AFG2B: variants seen among roughly 807,000 people sequenced by gnomAD.
The protein encoded by AFG2B is AAA ATPase AFG2B, also known as ATPase family gene 2 protein homolog B.
the AFG2B span, chr15:45,421,259 T>G: frequency 6.1e-6 from 8 of 1,315,848 alleles, no homozygotes; most frequent in Admixed American, 2.8e-5. Context: ...AATGTGAACT[T>G]GCCTGTCGTT....
the AFG2B span, among the ~76,000 whole-genome samples, chr15:45,419,986 T>TA: frequency 2.0e-5 from 1 of 49,246 alleles, no homozygotes; most frequent in Non-Finnish European, 3.6e-5. Flanking sequence ...CAAGACTCTG[T>TA]CCCCCCCCCC....
At chr15:45,414,114 A>C in the AFG2B span, among the ~76,000 whole-genome samples, 1 of 152,158 alleles carries the variant, frequency 6.6e-6, no homozygotes, top group Non-Finnish European at 1.5e-5. Flanking sequence ...AGTAGCATAG[A>C]GAGTGAGTAG....
At chr15:45,417,230 A>G in the AFG2B span, 1 of 1,594,316 alleles carries the variant, frequency 6.3e-7, no homozygotes, top group Non-Finnish European at 8.6e-7. Flanking sequence ...CTTATTAACA[A>G]CTGATTGACA....
the AFG2B span, chr15:45,410,646 A>T: frequency 1.1e-6 from 1 of 941,816 alleles, no homozygotes; most frequent in East Asian, 2.8e-5. Flanking sequence ...ATGTGATCCT[A>T]ACATCTAAAT....
chr15:45,405,414 T>A, the AFG2B span: 1 of 1,614,224 alleles, frequency 6.2e-7, no homozygotes, highest in Non-Finnish European at 8.5e-7. Flanking sequence ...GATTTGGGCC[T>A]TCTTGCAGAA....
At chr15:45,410,375 C>T in the AFG2B span, 2 of 1,612,228 alleles carry the variant, frequency 1.2e-6, no homozygotes, top group Non-Finnish European at 1.7e-6. Flanking sequence ...TCTTCAGAAC[C>T]AGGACAATCC....
chr15:45,411,017 C>G, the AFG2B span, among the ~76,000 whole-genome samples: 1 of 152,184 alleles, frequency 6.6e-6, no homozygotes, highest in South Asian at 2.1e-4. Context: ...GCCTGGCCAA[C>G]ATGGTGAAAC....
At chr15:45,410,561 G>A in the AFG2B span, 2 of 1,560,658 alleles carry the variant, frequency 1.3e-6, no homozygotes, top group South Asian at 1.2e-5. Context: ...AATCCAGTAG[G>A]ATATTACAGA....
the AFG2B span, chr15:45,405,183 C>T: frequency 2.6e-6 from 2 of 759,726 alleles, no homozygotes; most frequent in Non-Finnish European, 4.1e-6. Flanking sequence ...CTGTCTTCAT[C>T]CCCTCACCCC....
chr15:45,409,766 C>T, the AFG2B span, among the ~76,000 whole-genome samples: 7 of 151,872 alleles, frequency 4.6e-5, no homozygotes, highest in African/African-American at 9.7e-5. Context: ...CTAGCTACTC[C>T]GGAGGGTGAG....
the AFG2B span, among the ~76,000 whole-genome samples, chr15:45,406,263 G>A: frequency 3.9e-5 from 6 of 152,170 alleles, no homozygotes; most frequent in Non-Finnish European, 8.8e-5. Flanking sequence ...TGCATTTTGG[G>A]CAGGAATATA....
the AFG2B span, chr15:45,403,378 C>T: frequency 4.3e-6 from 7 of 1,611,250 alleles, no homozygotes; most frequent in South Asian, 5.5e-5. Context: ...CAGTCGAGCA[C>T]CCGAGAGCCG....
At chr15:45,407,678 G>T in the AFG2B span, among the ~76,000 whole-genome samples, 1 of 152,112 alleles carries the variant, frequency 6.6e-6, no homozygotes, top group African/African-American at 2.4e-5. Context: ...TTACAGAATA[G>T]CTCTATACAT....
the AFG2B span, among the ~76,000 whole-genome samples, chr15:45,410,904 T>G: frequency 1.3e-5 from 2 of 151,644 alleles, no homozygotes; most frequent in African/African-American, 4.9e-5. Context: ...TAAAAAAAAA[T>G]AAGTTTATAA....
At chr15:45,403,367 G>T in the AFG2B span, 1 of 1,610,386 alleles carries the variant, frequency 6.2e-7, no homozygotes, top group South Asian at 1.1e-5. Context: ...CCCCAGCGGG[G>T]CAGTCGAGCA....
At chr15:45,410,100 A>G in the AFG2B span, among the ~76,000 whole-genome samples, 2 of 152,332 alleles carry the variant, frequency 1.3e-5, no homozygotes, top group South Asian at 4.1e-4. Context: ...GTATGGTTCC[A>G]TTTGTGTATC....
At chr15:45,410,666 G>C in the AFG2B span, 2 of 828,330 alleles carry the variant, frequency 2.4e-6, no homozygotes, top group Non-Finnish European at 3.5e-6. Context: ...TCCAATGATT[G>C]CTTTTCAGTC....
At chr15:45,414,692 C>G in the AFG2B span, 1 of 1,614,156 alleles carries the variant, frequency 6.2e-7, no homozygotes, top group Non-Finnish European at 8.5e-7. Flanking sequence ...AGGGCCCTGG[C>G]CACAAGCTGT....
the AFG2B span, among the ~76,000 whole-genome samples, chr15:45,408,219 G>A: frequency 6.6e-6 from 1 of 152,118 alleles, no homozygotes; most frequent in African/African-American, 2.4e-5. Flanking sequence ...TCTTTATTTT[G>A]AAATAATTAA....
Sources: gnomAD v4.1 joint callset for allele counts (sites outside exome capture counted in the v4.1 genomes callset) on GRCh38, gnomAD v4.1.1 for gene constraint, MANE v1.5 for transcripts, NCBI Gene and HGNC (gene_info 2026-07-23, HGNC 2026-07-21) for gene names.